MAD2L1: variants seen among roughly 807,000 people sequenced by gnomAD.
MAD2L1 encodes the protein mitotic spindle assembly checkpoint protein MAD2A.
Under a neutral mutation model 25.9 loss-of-function variants are expected in MAD2L1, and 10 were observed. The ratio of observed to expected loss-of-function variants is 0.39; its 90% CI spans 0.24 to 0.66. MAD2L1 has a LOEUF of 0.66. Ranked by LOEUF, MAD2L1 falls within the 30% of genes least tolerant of loss-of-function variation. The pLI, the probability that MAD2L1 is intolerant of heterozygous loss-of-function variation, is 0.49. For synonymous variants in MAD2L1, 81 were observed against 91.8 expected (o/e 0.88, Z 0.67); for missense variants, 180 against 246.4 (o/e 0.73, Z 1.80).
intron 2 of MAD2L1, among the ~76,000 whole-genome samples, chr4:120,062,523 T>A (rs1007159120): frequency 6.6e-6 from 1 of 152,130 alleles, no homozygotes. Context: ...ATAAACAGCA[T>A]TAAATATGCA....
intron 3 of MAD2L1, 97 bp from the exon 4 acceptor site, chr4:120,061,074 A>T (rs1221927182): frequency 1.5e-6 from 1 of 686,352 alleles, no homozygotes; most frequent in African/African-American, 1.8e-5. Flanking sequence ...AATGCTCTCA[A>T]CATCAAATAA....
intron 2 of MAD2L1, 124 bp from the exon 3 acceptor site, chr4:120,062,219 G>T: frequency 1.3e-6 from 1 of 798,018 alleles, no homozygotes; most frequent in Non-Finnish European, 2.0e-6. Context: ...CTCCTCCTAT[G>T]TGCAAGAAAA....
At position 120,065,662 on chromosome 4, in the gene MAD2L1, A is replaced by G; in HGVS notation, c.220+10T>C. The G allele has an allele frequency of 6.2e-7, 1 of 1,612,462 alleles. No homozygotes were observed. The highest frequency in any genetic ancestry group is 8.5e-7 in the Non-Finnish European group (1 of 1,179,370). On this transcript the variant is annotated intron_variant, in intron 2 of 4. Coordinates refer to ENST00000296509, the MANE Select transcript of MAD2L1 (RefSeq NM_002358.4). ...TGCAAGACTCAAATTGTTTCCAATG[A>G]TTAAAATACCTTTCAGTTGTTCCAC...
intron 1 of MAD2L1, 62 bp from the exon 2 acceptor site, chr4:120,065,880 T>C (rs1015685316): frequency 1.2e-4 from 191 of 1,530,988 alleles, no homozygotes; most frequent in Admixed American, 1.6e-4. Flanking sequence ...GAAAATAAAA[T>C]ATATTTAGAT....
intron 1 of MAD2L1, 142 bp from the exon 2 acceptor site, chr4:120,065,960 G>T: frequency 1.4e-6 from 1 of 737,612 alleles, no homozygotes; most frequent in Non-Finnish European, 2.1e-6. Flanking sequence ...TGAAAGCAGA[G>T]TAGGTACAAA....
At chr4:120,060,762 A>C (rs965235495) in intron 4 of MAD2L1, 112 bp downstream of exon 4, 16 of 650,306 alleles carry the variant, frequency 2.5e-5, no homozygotes, top group African/African-American at 2.2e-4. Flanking sequence ...CCTTCAATTT[A>C]TATTACATAA....
chr4:120,062,412 G>T (rs1244087144), intron 2 of MAD2L1, among the ~76,000 whole-genome samples: 1 of 152,126 alleles, frequency 6.6e-6, no homozygotes, highest in Non-Finnish European at 1.5e-5. Context: ...TCATTGTAAT[G>T]GCTGCTATGA....
chr4:120,060,700 TC>T (rs1560770083), intron 4 of MAD2L1, among the ~76,000 whole-genome samples, 173 bp downstream of exon 4: 1 of 152,158 alleles, frequency 6.6e-6, no homozygotes, highest in East Asian at 1.9e-4. Context: ...ACTGTGGGTC[TC>T]CCTGTGGAAA....
chr4:120,060,860 T>G lies in MAD2L1; in HGVS notation c.445+14A>C, dbSNP rs768540466. ...CAATCAATTTAATTCAACAAGAAGT[T>G]GTATAATACTTACAAGAAACTTCCA... On this transcript the variant is annotated intron_variant, in intron 4 of 4. Coordinates refer to ENST00000296509, the MANE Select transcript of MAD2L1 (RefSeq NM_002358.4). 1 of 1,526,206 alleles carries G rather than the reference T, an allele frequency of 6.6e-7. No homozygotes were observed. Among genetic ancestry groups the G allele is most frequent in the East Asian group, 2.3e-5 (1 of 43,796 alleles). The allele number at this position is 1,526,206 out of a possible 1,614,324, so 94.5% of individuals were successfully genotyped here.
At chr4:120,062,515 A>G (rs1726239960) in intron 2 of MAD2L1, among the ~76,000 whole-genome samples, 1 of 152,224 alleles carries the variant, frequency 6.6e-6, no homozygotes, top group African/African-American at 2.4e-5. Context: ...CTCTAGGGAT[A>G]AACAGCATTA....
In MAD2L1 at chr4:120,057,142, T is replaced by A. The variant is rs547401496; in HGVS notation, c.*2976A>T. 7 of 152,310 alleles carry A rather than the reference T, an allele frequency of 4.6e-5. No individual in the cohort carries two copies. In the East Asian group the frequency reaches 1.4e-3, roughly 29 times the overall value. The allele number at this position is 152,310 out of a possible 1,614,324, so 9.4% of individuals were successfully genotyped here. ...CACGCTCATTCATTTATGTATTGTC[T>A]ATAGCTGCTTTCAGCCTCGAGTAGG... On this transcript the variant is annotated 3_prime_UTR_variant, in exon 5 of 5. Coordinates refer to ENST00000296509, the MANE Select transcript of MAD2L1 (RefSeq NM_002358.4).
intron 1 of MAD2L1, 149 bp from the exon 2 acceptor site, chr4:120,065,967 C>A: frequency 7.9e-6 from 5 of 636,380 alleles, no homozygotes; most frequent in Non-Finnish European, 7.5e-6. Flanking sequence ...AGAGTAGGTA[C>A]AAAGTGGCAT....
intron 1 of MAD2L1, among the ~76,000 whole-genome samples, chr4:120,066,087 G>A (rs1726310672): frequency 6.6e-6 from 1 of 151,732 alleles, no homozygotes; most frequent in Non-Finnish European, 1.5e-5. Context: ...TCACCTCATT[G>A]TAATCCAAGT....
Position 120,060,985 on chromosome 4 carries a change from A to G in MAD2L1, c.342-8T>C. 3 of 1,534,586 alleles carry G rather than the reference A, an allele frequency of 2.0e-6. No individual in the cohort carries two copies. Among genetic ancestry groups the G allele is most frequent in the Non-Finnish European group, 2.7e-6 (3 of 1,110,286 alleles). On this transcript the variant is annotated splice_region_variant and splice_polypyrimidine_tract_variant and intron_variant, in intron 3 of 4. Transcript: ENST00000296509. ...GACTTTTCTCTGGGTGCACTGTCAAAAAAAAATCAAATCAATTAATTCATT... is the reference window on the plus strand; with the variant it reads ...GACTTTTCTCTGGGTGCACTGTCAAGAAAAAATCAAATCAATTAATTCATT...
At chr4:120,061,941 A>G (rs370378586) in intron 3 of MAD2L1, 34 bp downstream of exon 3, 51 of 1,542,228 alleles carry the variant, frequency 3.3e-5, no homozygotes, top group Non-Finnish European at 4.4e-5. Context: ...GAAAAAAAAT[A>G]TATCAAAGTA....
In MAD2L1 at chr4:120,059,125, C is replaced by G. The variant is rs1294926458; in HGVS notation, c.*993G>C. ...AAGTATATAAGGAAAAGTAGGCTGA[C>G]AATAAGGCTAAGAGTATAGTAAAGT... On this transcript the variant is annotated 3_prime_UTR_variant, in exon 5 of 5. Transcript: ENST00000296509. 6.6e-6 allele frequency: 1 copy of G among 152,108 alleles called. No homozygotes were observed. Among genetic ancestry groups the G allele is most frequent in the Non-Finnish European group, 1.5e-5 (1 of 68,022 alleles). The allele number at this position is 152,108 out of a possible 1,614,324, so 9.4% of individuals were successfully genotyped here.
Position 120,056,518 on chromosome 4 carries a change from T to A in MAD2L1, c.*3600A>T, listed in dbSNP as rs1726112704. ...ATCTTTCATGTAAATTTTAGATAAA[T>A]TTTACATACTAAATGAAAACAAGAT... On this transcript the variant is annotated 3_prime_UTR_variant, in exon 5 of 5. Transcript: ENST00000296509. The A allele has an allele frequency of 6.6e-6, 1 of 152,160 alleles. No homozygotes were observed. 9.4% of individuals were successfully genotyped at this position (152,160 alleles called of 1,614,324 possible). A position where few individuals can be genotyped will look rare whatever the true frequency, so the allele number is the denominator to read the frequency against.
Position 120,060,866 on chromosome 4 carries a change from ATACT to A in MAD2L1, c.445+4_445+7del, listed in dbSNP as rs1424669862. 1 of 1,576,240 alleles carries A rather than the reference ATACT, an allele frequency of 6.3e-7. No individual in the cohort carries two copies. Among genetic ancestry groups the A allele is most frequent in the East Asian group, 2.2e-5 (1 of 44,492 alleles). On this transcript the variant is annotated splice_donor_5th_base_variant and intron_variant, in intron 4 of 4. Transcript: ENST00000296509. Reference sequence around the variant, plus strand: ...ATTTAATTCAACAAGAAGTTGTATAATACTTACAAGAAACTTCCAACAGTGGCAG... The same window carrying A: ...ATTTAATTCAACAAGAAGTTGTATAATACAAGAAACTTCCAACAGTGGCAG...
intron 2 of MAD2L1, among the ~76,000 whole-genome samples, chr4:120,062,740 A>T (rs535815266): frequency 5.3e-5 from 8 of 152,362 alleles, no homozygotes; most frequent in African/African-American, 1.9e-4. Flanking sequence ...GGAAGTCATT[A>T]CTGTGTGTGA....
Sources: allele counts gnomAD v4.1 joint callset (sites outside exome capture counted in the v4.1 genomes callset), GRCh38; gene constraint gnomAD v4.1.1; transcripts MANE v1.5; gene names NCBI Gene and HGNC (gene_info 2026-07-23, HGNC 2026-07-21).